Variants in GLIS1 observed in about 807,000 individuals in gnomAD.
The protein encoded by GLIS1 is GLIS family zinc finger 1.
Under a neutral mutation model 63.8 loss-of-function variants are expected in GLIS1, and 24 were observed. The ratio of observed to expected loss-of-function variants is 0.38; its 90% CI spans 0.27 to 0.53. The LOEUF is 0.53. Ranked by LOEUF, GLIS1 falls within the 20% of genes least tolerant of loss-of-function variation. The pLI, the probability that GLIS1 is intolerant of heterozygous loss-of-function variation, is 0.85. For missense variants in GLIS1, 1,036 were observed against 1,074.1 expected (o/e 0.96, Z 0.50); for synonymous variants, 450 against 482.5 (o/e 0.93, Z 0.88).
chr1:53,511,298 C>G lies in GLIS1; in HGVS notation c.1884-1271G>C, dbSNP rs912409362. Among the ~76,000 whole-genome samples the G allele has an allele frequency of 1.3e-5, 2 of 152,358 alleles. No homozygotes were observed. The highest frequency in any genetic ancestry group is 4.8e-5 in the African/African-American group (2 of 41,580). ...GGTGACCTCGTGACCCTTGCCCACC[C>G]TCTGAGACACCAAGTATTGACAAAC... On this transcript the variant is annotated intron_variant, in intron 8 of 10. Coordinates refer to ENST00000628545, the MANE Select transcript of GLIS1 (RefSeq NM_001367484.1). This position sits in a 1 kb window ranked among gnomAD's most constrained non-coding sequence, Gnocchi z 4.2.
At position 53,564,991 on chromosome 1, in the gene GLIS1, C is replaced by T. The variant is rs562382084; in HGVS notation, c.1320+29117G>A. The stretch of plus-strand genomic sequence containing the variant: ...AGAATATGCACATTTTTCTCAAGTA[C>T]ATATGCAACATTTACAAAAAACTGC... On this transcript the variant is annotated intron_variant, in intron 4 of 10. Coordinates refer to ENST00000628545, the MANE Select transcript of GLIS1 (RefSeq NM_001367484.1). 7.2e-5 allele frequency among the ~76,000 whole-genome samples: 11 copies of T among 152,042 alleles called. No individual in the cohort carries two copies. In the East Asian group the frequency reaches 1.2e-3, roughly 16 times the overall value.
intron 2 of GLIS1, among the ~76,000 whole-genome samples, chr1:53,609,550 T>C (rs1050335230): frequency 3.3e-5 from 5 of 152,252 alleles, no homozygotes; most frequent in African/African-American, 1.2e-4. Flanking sequence ...ATTACTGGCG[T>C]GAGCCACCGC....
intron 4 of GLIS1, among the ~76,000 whole-genome samples, chr1:53,582,112 C>T (rs1397478135): frequency 6.6e-6 from 1 of 152,104 alleles, no homozygotes; most frequent in African/African-American, 2.4e-5. Context: ...GGTCAGGAGA[C>T]CTAGGAGGGC....
At chr1:53,625,919 C>T (rs1400503543) in intron 2 of GLIS1, among the ~76,000 whole-genome samples, 1 of 146,582 alleles carries the variant, frequency 6.8e-6, no homozygotes, top group African/African-American at 2.8e-5. Context: ...CTGGCAGTAG[C>T]TGTCTCTCCT....
chr1:53,615,754 TTA>T (rs1645475668), intron 2 of GLIS1, among the ~76,000 whole-genome samples: 2 of 32,566 alleles, frequency 6.1e-5, no homozygotes, highest in Admixed American at 9.2e-4. Flanking sequence ...TATTTTATTT[TTA>T]TTTTTTTTGG....
intron 4 of GLIS1, among the ~76,000 whole-genome samples, 186 bp from the exon 5 acceptor site, chr1:53,530,138 G>T (rs535259342): frequency 6.6e-6 from 1 of 152,334 alleles, no homozygotes; most frequent in South Asian, 2.1e-4. Context: ...GAAAGGCCTG[G>T]TGAGTCCAGA....
chr1:53,542,919 A>G lies in GLIS1; in HGVS notation c.1321-12967T>C, dbSNP rs533308788. The stretch of plus-strand genomic sequence containing the variant: ...GGGCTGGCCCTGAGGCAGCCTTTAG[A>G]TGGACAGGGACAAGTAGATTCTGGC... On this transcript the variant is annotated intron_variant, in intron 4 of 10. Coordinates refer to ENST00000628545, the MANE Select transcript of GLIS1 (RefSeq NM_001367484.1). 1.5e-4 allele frequency among the ~76,000 whole-genome samples: 23 copies of G among 152,332 alleles called. No individual in the cohort carries two copies. In the South Asian group the frequency reaches 1.9e-3, roughly 12 times the overall value.
In GLIS1 at chr1:53,526,714, G is replaced by A. The variant is rs1253210368; in HGVS notation, c.1483-1827C>T. Among the ~76,000 whole-genome samples the A allele has an allele frequency of 2.0e-5, 3 of 152,344 alleles. No homozygotes were observed. The highest frequency in any genetic ancestry group is 6.5e-5 in the Admixed American group (1 of 15,306). On this transcript the variant is annotated intron_variant, in intron 5 of 10. Transcript: ENST00000628545. This position sits in a 1 kb window ranked among gnomAD's most constrained non-coding sequence, Gnocchi z 4.4. ...TGCTGATACAAATCCACTCGCTTTC[G>A]TCTAAAAGCAAACAAGCTGGCTCTG...
At chr1:53,513,096 ACACT>A (rs1170799498) in intron 8 of GLIS1, among the ~76,000 whole-genome samples, 2 of 151,930 alleles carry the variant, frequency 1.3e-5, no homozygotes, top group African/African-American at 4.8e-5. Flanking sequence ...TTCTCTGCTC[ACACT>A]CACAGCCACA....
intron 4 of GLIS1, among the ~76,000 whole-genome samples, chr1:53,586,888 C>T (rs1357366216): frequency 6.6e-6 from 1 of 152,194 alleles, no homozygotes. Flanking sequence ...GGAGGGGACT[C>T]AGCTCCTCCA....
chr1:53,555,112 C>T (rs1644804520), intron 4 of GLIS1, among the ~76,000 whole-genome samples: 2 of 152,236 alleles, frequency 1.3e-5, no homozygotes, highest in Admixed American at 1.3e-4. Flanking sequence ...GGTAACCCAT[C>T]TCCCCACTCA....
chr1:53,730,622 G>A (rs1321696601), intron 2 of GLIS1, among the ~76,000 whole-genome samples: 2 of 152,184 alleles, frequency 1.3e-5, no homozygotes, highest in African/African-American at 4.8e-5. Flanking sequence ...TGTACGGCAG[G>A]CAGGGCCATC....
At chr1:53,524,951 G>A (rs976265043) in intron 5 of GLIS1, 64 bp from the exon 6 acceptor site, 23 of 1,214,430 alleles carry the variant, frequency 1.9e-5, no homozygotes, top group East Asian at 7.0e-5. Flanking sequence ...GCGCCTCCGC[G>A]TGACCTGCTG....
At chr1:53,676,469 T>C (rs973473528) in intron 2 of GLIS1, among the ~76,000 whole-genome samples, 10 of 152,128 alleles carry the variant, frequency 6.6e-5, no homozygotes, top group African/African-American at 2.2e-4. Context: ...CACACCCCCA[T>C]AGGCCCTGCC....
rs558211647 is a variant in GLIS1, at chr1:53,720,394, C to A, written c.259+17412G>T. Among the ~76,000 whole-genome samples the A allele has an allele frequency of 3.9e-5, 6 of 152,126 alleles. No individual in the cohort carries two copies. The East Asian group carries it at 1.2e-3, about 29-fold the overall frequency. ...TGTGTTAAATGAAACAAGCCAGACA[C>A]AGAAAGAAAAATACCGTAACTTCCT... On this transcript the variant is annotated intron_variant, in intron 2 of 10. Coordinates refer to ENST00000628545, the MANE Select transcript of GLIS1 (RefSeq NM_001367484.1).
At chr1:53,684,154 C>A (rs1198399714) in intron 2 of GLIS1, among the ~76,000 whole-genome samples, 1 of 152,082 alleles carries the variant, frequency 6.6e-6, no homozygotes, top group Non-Finnish European at 1.5e-5. Context: ...ATGTCTCCCT[C>A]AGATGGGCAG....
intron 10 of GLIS1, among the ~76,000 whole-genome samples, chr1:53,507,228 C>T (rs1644243946): frequency 6.6e-6 from 1 of 152,224 alleles, no homozygotes; most frequent in African/African-American, 2.4e-5. Flanking sequence ...ATTTACTGGG[C>T]ACTTAGTAAG....
At chr1:53,659,670 C>T (rs1646004986) in intron 2 of GLIS1, among the ~76,000 whole-genome samples, 1 of 152,150 alleles carries the variant, frequency 6.6e-6, no homozygotes, top group African/African-American at 2.4e-5. Flanking sequence ...AATACTAATC[C>T]CCAAGGCTCT....
intron 2 of GLIS1, among the ~76,000 whole-genome samples, chr1:53,627,025 C>T (rs1224556328): frequency 3.3e-5 from 5 of 152,256 alleles, no homozygotes; most frequent in Admixed American, 1.3e-4. Flanking sequence ...CCTTACCACA[C>T]GTCTGCTGAA....
Sources: gnomAD v4.1 joint callset for allele counts (sites outside exome capture counted in the v4.1 genomes callset) on GRCh38, gnomAD v4.1.1 for gene constraint, Gnocchi (gnomAD v3.1) non-coding constraint, MANE v1.5 for transcripts, NCBI Gene and HGNC (gene_info 2026-07-23, HGNC 2026-07-21) for gene names.